ENTPD3: variants seen among roughly 807,000 people sequenced by gnomAD.
The protein encoded by ENTPD3 is CD39 antigen-like 3.
In ENTPD3, 60 loss-of-function variants were observed where a neutral mutation model predicts 51.2. That is an observed-to-expected ratio of 1.17 (90% confidence interval 0.95 to 1.45). The LOEUF (loss-of-function observed/expected upper bound fraction) is 1.45. Ranked by LOEUF, ENTPD3 falls within the 40% of genes most tolerant of loss-of-function variation. ENTPD3 has a pLI of 0.00. For synonymous variants in ENTPD3, 221 were observed against 238.4 expected (o/e 0.93, Z 0.67); for missense variants, 593 against 641.1 (o/e 0.93, Z 0.81).
rs146864349 is a variant in ENTPD3 at position 40,416,059 on chromosome 3, G to C, written c.817G>C (p.Ala273Pro). ...GRNEAEKKFLAMLLQNSPTKN... is the reference protein window; with the variant it reads ...GRNEAEKKFLPMLLQNSPTKN... ...GAATGAGGCTGAGAAGAAGTTTCTG[G>C]CAATGCTCCTGCAGGTACTTGAGTC... Residue 273 changes from alanine (A) to proline (P), a missense_variant, in exon 7 of 11, where the codon GCA (alanine) becomes CCA (proline). Ala to Pro is a conservative substitution (Grantham distance 27, BLOSUM62 -1). Coordinates refer to ENST00000301825, the MANE Select transcript of ENTPD3 (RefSeq NM_001248.4). 9.9e-6 allele frequency: 16 copies of C among 1,613,862 alleles called. No individual in the cohort carries two copies. The highest frequency in any genetic ancestry group is 1.4e-5 in the Non-Finnish European group (16 of 1,179,862).
At chr3:40,420,643 T>C (rs143802338) in intron 7 of ENTPD3, among the ~76,000 whole-genome samples, 101 of 152,254 alleles carry the variant, frequency 6.6e-4, no homozygotes, top group African/African-American at 2.4e-3. Flanking sequence ...TTTCATACCA[T>C]AGAGGCAGAA....
chr3:40,409,230 C>A (rs1336169437), intron 4 of ENTPD3, among the ~76,000 whole-genome samples: 1 of 151,912 alleles, frequency 6.6e-6, no homozygotes, highest in Non-Finnish European at 1.5e-5. Context: ...CCAGCCTGGA[C>A]AACAAGAGCA....
intron 4 of ENTPD3, among the ~76,000 whole-genome samples, chr3:40,407,573 G>C (rs1419094924): frequency 1.3e-5 from 2 of 152,096 alleles, no homozygotes; most frequent in Non-Finnish European, 1.5e-5. Context: ...GTTCGGGGGA[G>C]GGGGAGGATG....
At chr3:40,410,569 G>T (rs1270952648) in intron 4 of ENTPD3, among the ~76,000 whole-genome samples, 3 of 151,920 alleles carry the variant, frequency 2.0e-5, no homozygotes, top group African/African-American at 7.3e-5. Context: ...GCCTCCTATT[G>T]TAAGTCCACA....
At chr3:40,416,551 G>A (rs1330755704) in intron 7 of ENTPD3, among the ~76,000 whole-genome samples, 4 of 152,160 alleles carry the variant, frequency 2.6e-5, no homozygotes, top group East Asian at 3.9e-4. Context: ...ACCCTTATAT[G>A]GCAGAACTTT....
At chr3:40,392,249 T>TC in intron 3 of ENTPD3, 99 bp downstream of exon 3, 2 of 1,411,512 alleles carry the variant, frequency 1.4e-6, no homozygotes, top group Non-Finnish European at 1.9e-6. Flanking sequence ...GAAAATCCTT[T>TC]CCCCCCATCT....
At chr3:40,417,521 T>C (rs1342853449) in intron 7 of ENTPD3, among the ~76,000 whole-genome samples, 1 of 151,848 alleles carries the variant, frequency 6.6e-6, no homozygotes. Context: ...TCCACCCCCA[T>C]GCCCCAATCA....
At chr3:40,419,141 T>C (rs1326253233) in intron 7 of ENTPD3, among the ~76,000 whole-genome samples, 1 of 152,158 alleles carries the variant, frequency 6.6e-6, no homozygotes, top group Non-Finnish European at 1.5e-5. Context: ...CCCTCCCTCA[T>C]GGACATCAGG....
intron 4 of ENTPD3, among the ~76,000 whole-genome samples, chr3:40,410,375 A>G (rs900492991): frequency 1.3e-5 from 2 of 150,376 alleles, no homozygotes; most frequent in Non-Finnish European, 3.0e-5. Context: ...TGGCAGACAG[A>G]GGTTGTAGTG....
chr3:40,420,536 G>A (rs1203814256), intron 7 of ENTPD3, among the ~76,000 whole-genome samples: 19 of 151,964 alleles, frequency 1.3e-4, no homozygotes, highest in Non-Finnish European at 1.0e-4. Context: ...ACCACGCCCC[G>A]CATATTTTTT....
At chr3:40,409,991 A>T (rs1304560158) in intron 4 of ENTPD3, among the ~76,000 whole-genome samples, 2 of 152,204 alleles carry the variant, frequency 1.3e-5, no homozygotes, top group African/African-American at 2.4e-5. Context: ...AACTTTTTTT[A>T]AAAAAGAAAC....
chr3:40,404,094 G>A (rs1051725438), intron 4 of ENTPD3, among the ~76,000 whole-genome samples: 1 of 152,156 alleles, frequency 6.6e-6, no homozygotes, highest in Non-Finnish European at 1.5e-5. Flanking sequence ...GCAGCAGGCT[G>A]CTCCTTTCAA....
intron 10 of ENTPD3, among the ~76,000 whole-genome samples, chr3:40,425,897 CAAAA>C (rs201292183): frequency 1.6e-5 from 2 of 121,854 alleles, no homozygotes; most frequent in Non-Finnish European, 3.3e-5. Context: ...GACTCTGTCT[CAAAA>C]AAAAAAAAAA....
intron 4 of ENTPD3, among the ~76,000 whole-genome samples, chr3:40,407,492 T>C (rs1955530480): frequency 6.6e-6 from 1 of 152,052 alleles, no homozygotes; most frequent in African/African-American, 2.4e-5. Context: ...CAAAAACAGG[T>C]ATGGGGTCAA....
chr3:40,402,116 T>TCTTTTTC (rs1559510475), intron 4 of ENTPD3, among the ~76,000 whole-genome samples: 1 of 32,346 alleles, frequency 3.1e-5, no homozygotes, highest in Non-Finnish European at 7.7e-5. Context: ...CTTTCCTTTT[T>TCTTTTTC]TTTTTTCTTT....
At position 40,428,020 on chromosome 3, in the gene ENTPD3, G is replaced by A; in HGVS notation, c.*512G>A. On this transcript the variant is annotated 3_prime_UTR_variant, in exon 11 of 11. Transcript: ENST00000301825. ...AGATCAGTAGAATATAGTATCTGGG[G>A]GAGAAGACTTACTTCCTTCAGGGCA... 1 of 159,930 alleles carries A rather than the reference G, an allele frequency of 6.3e-6. No homozygotes were observed. The allele number at this position is 159,930 out of a possible 1,614,324, so 9.9% of individuals were successfully genotyped here. A position where few individuals can be genotyped will look rare whatever the true frequency, so the allele number is the denominator to read the frequency against.
chr3:40,401,311 A>G (rs2125593930), intron 4 of ENTPD3, among the ~76,000 whole-genome samples: 1 of 152,352 alleles, frequency 6.6e-6, no homozygotes, highest in African/African-American at 2.4e-5. Context: ...GCTGGAAGAC[A>G]CAAGACTCCT....
chr3:40,424,690 T>A, intron 10 of ENTPD3: 1 of 699,074 alleles, frequency 1.4e-6, no homozygotes, highest in South Asian at 1.5e-5. Context: ...TACCTTGTTT[T>A]TAGGCAGGGC....
In ENTPD3 at chr3:40,414,859, A is replaced by T. The variant is rs1226030662; in HGVS notation, c.597+19A>T. ...CCTGGAGGTGTGTGCAAACAAATGCATGGTTTTTAATCTTACTGTTTATCC... is the reference window on the plus strand; with the variant it reads ...CCTGGAGGTGTGTGCAAACAAATGCTTGGTTTTTAATCTTACTGTTTATCC... On this transcript the variant is annotated intron_variant, in intron 6 of 10. Coordinates refer to ENST00000301825, the MANE Select transcript of ENTPD3 (RefSeq NM_001248.4). 6.2e-7 allele frequency: 1 copy of T among 1,613,282 alleles called. No homozygotes were observed. The highest frequency in any genetic ancestry group is 1.1e-5 in the South Asian group (1 of 91,006).
Sources: gnomAD v4.1 joint callset for allele counts (sites outside exome capture counted in the v4.1 genomes callset) on GRCh38, gnomAD v4.1.1 for gene constraint, MANE v1.5 for transcripts, NCBI Gene and HGNC (gene_info 2026-07-23, HGNC 2026-07-21) for gene names.